Variants in NCAM2 observed in about 807,000 individuals in gnomAD.
The protein encoded by NCAM2 is neural cell adhesion molecule 2.
A neutral mutation model predicts 98.1 loss-of-function variants in NCAM2; 30 were observed. The ratio of observed to expected loss-of-function variants is 0.31; its 90% CI spans 0.23 to 0.41. The LOEUF (loss-of-function observed/expected upper bound fraction) is 0.41, where lower values mean the gene tolerates loss of function less well. Among genes scored for constraint, NCAM2 ranks in the 10% least tolerant of loss-of-function variants. The pLI is 1.00. For missense variants in NCAM2, 867 were observed against 1,005.8 expected (o/e 0.86, Z 1.87); for synonymous variants, 368 against 342.4 (o/e 1.07, Z -0.83).
At chr21:21,318,732 A>G (rs946872529) in intron 5 of NCAM2, among the ~76,000 whole-genome samples, 2 of 152,214 alleles carry the variant, frequency 1.3e-5, no homozygotes, top group Non-Finnish European at 2.9e-5. Context: ...TTTATTATGT[A>G]AACAAATGCT....
chr21:21,419,565 G>A (rs1226225287), intron 11 of NCAM2, among the ~76,000 whole-genome samples: 1 of 130,800 alleles, frequency 7.6e-6, no homozygotes, highest in African/African-American at 3.0e-5. Context: ...CTGTGTCCAT[G>A]TGTTCTCATT....
chr21:21,145,859 T>A (rs2067261730), intron 1 of NCAM2, among the ~76,000 whole-genome samples: 1 of 152,170 alleles, frequency 6.6e-6, no homozygotes, highest in Non-Finnish European at 1.5e-5. Flanking sequence ...TAGAGTGTGA[T>A]AGATTTAACA....
chr21:21,486,252 C>T (rs555823168), intron 15 of NCAM2, among the ~76,000 whole-genome samples: 1 of 128,732 alleles, frequency 7.8e-6, no homozygotes, highest in African/African-American at 3.0e-5. Flanking sequence ...TGCAGTGAGC[C>T]GAGATCGCGC....
At chr21:21,307,535 C>G (rs150602288) in intron 5 of NCAM2, among the ~76,000 whole-genome samples, 4 of 152,114 alleles carry the variant, frequency 2.6e-5, no homozygotes, top group Non-Finnish European at 5.9e-5. Flanking sequence ...TATAAGATCA[C>G]GATCCAGGGG....
chr21:21,395,633 A>G (rs780443018), intron 9 of NCAM2, among the ~76,000 whole-genome samples: 29 of 152,220 alleles, frequency 1.9e-4, no homozygotes, highest in Non-Finnish European at 3.2e-4. Context: ...CTATAAGGCT[A>G]TAGTCAACAA....
chr21:21,219,112 G>T (rs35705600), intron 1 of NCAM2, among the ~76,000 whole-genome samples: 49,115 of 152,106 alleles, frequency 0.32, 8,584 homozygotes, highest in Non-Finnish European at 0.4. Context: ...TTTGAATGCA[G>T]CCCAACACAA....
At chr21:21,059,361 G>T (rs148734856) in intron 1 of NCAM2, among the ~76,000 whole-genome samples, 1 of 152,168 alleles carries the variant, frequency 6.6e-6, no homozygotes, top group East Asian at 1.9e-4. Context: ...AAATAGTGCA[G>T]CAGAGATAGA....
At chr21:21,332,929 A>T (rs1158826972) in intron 6 of NCAM2, among the ~76,000 whole-genome samples, 1 of 152,210 alleles carries the variant, frequency 6.6e-6, no homozygotes, top group Non-Finnish European at 1.5e-5. Flanking sequence ...TGTTAATACA[A>T]TATTGTTCAA....
chr21:21,107,872 T>C (rs1449672486), intron 1 of NCAM2, among the ~76,000 whole-genome samples: 1 of 152,152 alleles, frequency 6.6e-6, no homozygotes, highest in Non-Finnish European at 1.5e-5. Context: ...AGAAGAATTA[T>C]ATATTTTTCT....
intron 8 of NCAM2, among the ~76,000 whole-genome samples, chr21:21,358,454 T>G (rs369532598): frequency 6.6e-6 from 1 of 151,672 alleles, no homozygotes; most frequent in Non-Finnish European, 1.5e-5. Context: ...ATTACTTTAT[T>G]TATTCTATCA....
intron 1 of NCAM2, among the ~76,000 whole-genome samples, chr21:21,179,413 CT>C (rs1569114898): frequency 6.6e-6 from 1 of 152,032 alleles, no homozygotes; most frequent in Admixed American, 6.6e-5. Context: ...GCCTAGATTT[CT>C]TTTTTTCCTC....
rs562941273 is a variant in NCAM2 at position 21,477,535 on chromosome 21, T to C, written c.2077+64T>C. 2.0e-5 allele frequency: 25 copies of C among 1,233,808 alleles called. No individual in the cohort carries two copies. In the Admixed American group the frequency reaches 6.7e-4, roughly 33 times the overall value. 76.4% of individuals were successfully genotyped at this position (1,233,808 alleles called of 1,614,324 possible). A position where few individuals can be genotyped will look rare whatever the true frequency, so the allele number is the denominator to read the frequency against. Reference sequence around the variant, plus strand: ...ATATGATACCACCTTTTTATAACCCTTACTGACTTTTCTTATTAATAATTA... The same window carrying C: ...ATATGATACCACCTTTTTATAACCCCTACTGACTTTTCTTATTAATAATTA... On this transcript the variant is annotated intron_variant, in intron 15 of 17. Transcript: ENST00000400546.
rs573251822 is a variant in NCAM2 at position 21,410,570 on chromosome 21, G to T, written c.1383+109G>T. 1.6e-4 allele frequency: 91 copies of T among 566,628 alleles called. No individual in the cohort carries two copies. In the African/African-American group the frequency reaches 1.7e-3, roughly 10 times the overall value. The allele number at this position is 566,628 out of a possible 1,614,324, so 35.1% of individuals were successfully genotyped here. A position where few individuals can be genotyped will look rare whatever the true frequency, so the allele number is the denominator to read the frequency against. The stretch of plus-strand genomic sequence containing the variant: ...GCATATATATATATAATAAGAGAGA[G>T]AAATCATGGTGTATATATTTTACAG... On this transcript the variant is annotated intron_variant, in intron 10 of 17. Coordinates refer to ENST00000400546, the MANE Select transcript of NCAM2 (RefSeq NM_004540.5).
At chr21:21,148,422 CTT>C (rs1274913744) in intron 1 of NCAM2, among the ~76,000 whole-genome samples, 1 of 152,188 alleles carries the variant, frequency 6.6e-6, no homozygotes, top group Admixed American at 6.5e-5. Context: ...GGGCACGTCT[CTT>C]TGACTGCTTT....
chr21:21,087,899 G>A (rs900655470), intron 1 of NCAM2, among the ~76,000 whole-genome samples: 3 of 152,094 alleles, frequency 2.0e-5, no homozygotes, highest in Non-Finnish European at 2.9e-5. Flanking sequence ...ACAGGGAATC[G>A]ATATAAGAGT....
At chr21:21,449,377 A>G (rs1980674217) in intron 12 of NCAM2, among the ~76,000 whole-genome samples, 1 of 151,860 alleles carries the variant, frequency 6.6e-6, no homozygotes, top group Non-Finnish European at 1.5e-5. Flanking sequence ...AACTTAAAAA[A>G]AAAAAAATTA....
At chr21:21,422,299 A>C (rs2077127359) in intron 11 of NCAM2, among the ~76,000 whole-genome samples, 1 of 152,168 alleles carries the variant, frequency 6.6e-6, no homozygotes, top group Non-Finnish European at 1.5e-5. Flanking sequence ...GGAGACTCCC[A>C]AAGGTGGGAG....
chr21:21,185,147 A>C (rs775803466), intron 1 of NCAM2, among the ~76,000 whole-genome samples: 48 of 152,206 alleles, frequency 3.2e-4, no homozygotes, highest in Admixed American at 8.5e-4. Flanking sequence ...TCTAACATTT[A>C]ACACACTCTT....
chr21:21,027,416 T>C (rs746158064), intron 1 of NCAM2, among the ~76,000 whole-genome samples: 21 of 152,194 alleles, frequency 1.4e-4, no homozygotes, highest in Non-Finnish European at 2.8e-4. Context: ...GAACTATAAG[T>C]TTCATTCAGA....
Sources: allele counts gnomAD v4.1 joint callset (sites outside exome capture counted in the v4.1 genomes callset), GRCh38; gene constraint gnomAD v4.1.1; transcripts MANE v1.5; gene names NCBI Gene and HGNC (gene_info 2026-07-23, HGNC 2026-07-21).